Variants in PTPRM observed in about 807,000 individuals in gnomAD.
PTPRM encodes protein tyrosine phosphatase receptor type M.
PTPRM carries 47 observed loss-of-function variants against 186.7 expected under a neutral mutation model. The ratio of observed to expected loss-of-function variants is 0.25; its 90% CI spans 0.20 to 0.32. The LOEUF is 0.32. Among genes scored for constraint, PTPRM ranks in the 10% least tolerant of loss-of-function variants. The pLI is 1.00. For missense variants in PTPRM, 1,494 were observed against 1,865.0 expected (o/e 0.80, Z 3.66); for synonymous variants, 668 against 674.9 (o/e 0.99, Z 0.16).
chr18:8,077,290 G>A (rs964855898), intron 9 of PTPRM, among the ~76,000 whole-genome samples: 26 of 151,882 alleles, frequency 1.7e-4, no homozygotes, highest in African/African-American at 4.6e-4. Context: ...TCTAAAAATC[G>A]TGGCAAATTC....
At chr18:8,207,545 A>G (rs2093947995) in intron 14 of PTPRM, among the ~76,000 whole-genome samples, 1 of 152,222 alleles carries the variant, frequency 6.6e-6, no homozygotes, top group Non-Finnish European at 1.5e-5. Context: ...TTCATGACAT[A>G]GAGAAATGAT....
intron 2 of PTPRM, among the ~76,000 whole-genome samples, chr18:7,808,472 C>T (rs1039032739): frequency 1.3e-5 from 2 of 152,200 alleles, no homozygotes; most frequent in Non-Finnish European, 2.9e-5. Context: ...GGATGAACCT[C>T]ACTGCATGTG....
intron 7 of PTPRM, among the ~76,000 whole-genome samples, chr18:8,062,954 G>A (rs2088687761): frequency 6.8e-6 from 1 of 147,742 alleles, no homozygotes; most frequent in African/African-American, 2.6e-5. Context: ...TACAGAGGCA[G>A]GCAGGCCTCC....
chr18:7,637,025 A>T (rs1482882118), intron 1 of PTPRM, among the ~76,000 whole-genome samples: 1 of 151,918 alleles, frequency 6.6e-6, no homozygotes, highest in Admixed American at 6.6e-5. Flanking sequence ...AAAATTAACC[A>T]GGCAAGGTGG....
chr18:7,734,583 A>G (rs962863543), intron 1 of PTPRM, among the ~76,000 whole-genome samples: 1 of 152,184 alleles, frequency 6.6e-6, no homozygotes, highest in African/African-American at 2.4e-5. Flanking sequence ...GATATTTAAT[A>G]TTTATCAGTT....
At chr18:8,226,715 C>A (rs1171808977) in intron 14 of PTPRM, among the ~76,000 whole-genome samples, 1 of 152,258 alleles carries the variant, frequency 6.6e-6, no homozygotes, top group African/African-American at 2.4e-5. Context: ...TAAATTCCTA[C>A]AAACCTAGTG....
chr18:8,087,361 A>T (rs1206825500), intron 10 of PTPRM, among the ~76,000 whole-genome samples: 1 of 152,126 alleles, frequency 6.6e-6, no homozygotes, highest in Non-Finnish European at 1.5e-5. Context: ...TCACACTGCT[A>T]ATAAAGACAT....
intron 1 of PTPRM, among the ~76,000 whole-genome samples, chr18:7,688,097 A>G (rs617281): frequency 0.18 from 27,850 of 152,008 alleles, 4,314 homozygotes; most frequent in East Asian, 0.43. Context: ...AAAATTAAAA[A>G]CATTCTCTAG....
At chr18:8,044,194 C>T (rs573492947) in intron 7 of PTPRM, among the ~76,000 whole-genome samples, 1 of 152,130 alleles carries the variant, frequency 6.6e-6, no homozygotes, top group Non-Finnish European at 1.5e-5. Context: ...TCATTGGGGC[C>T]TGACAAGAGT....
At chr18:7,849,311 G>A (rs1200704720) in intron 2 of PTPRM, among the ~76,000 whole-genome samples, 2 of 152,202 alleles carry the variant, frequency 1.3e-5, no homozygotes, top group Non-Finnish European at 2.9e-5. Flanking sequence ...GGAGAAGGCT[G>A]GTGTGTGGCT....
chr18:7,966,608 G>A (rs534097652), intron 7 of PTPRM, among the ~76,000 whole-genome samples: 107 of 147,624 alleles, frequency 7.2e-4, no homozygotes, highest in Non-Finnish European at 9.5e-4. Flanking sequence ...CGCACCGTGC[G>A]CGAGCCGAAG....
chr18:7,963,756 G>A (rs543944727), intron 7 of PTPRM, among the ~76,000 whole-genome samples: 3 of 152,270 alleles, frequency 2.0e-5, no homozygotes, highest in South Asian at 2.1e-4. Context: ...TATCTGTGAG[G>A]GGCTTGACCA....
chr18:8,136,270 A>G lies in PTPRM; in HGVS notation c.2168-7377A>G, dbSNP rs567990743. Among the ~76,000 whole-genome samples the G allele has an allele frequency of 3.3e-5, 5 of 152,320 alleles. No individual in the cohort carries two copies. The South Asian group carries it at 8.3e-4, about 25-fold the overall frequency. ...CTTATTATTGACAGTTTGTTTCCCT[A>G]TTTTATTACTTGATAATGATTTGAG... On this transcript the variant is annotated intron_variant, in intron 13 of 32. Transcript: ENST00000580170.
intron 2 of PTPRM, among the ~76,000 whole-genome samples, chr18:7,845,273 A>G (rs1280529359): frequency 1.3e-5 from 2 of 152,188 alleles, no homozygotes; most frequent in Non-Finnish European, 2.9e-5. Context: ...ATATGGCTTT[A>G]ATTGTGTTCA....
At chr18:7,679,062 A>G (rs902294590) in intron 1 of PTPRM, among the ~76,000 whole-genome samples, 14 of 152,130 alleles carry the variant, frequency 9.2e-5, no homozygotes, top group African/African-American at 2.7e-4. Context: ...AGATCTTTTA[A>G]TGTTTTTCTA....
rs1351729365 is a variant in PTPRM at position 7,707,857 on chromosome 18, G to C, written c.74-66292G>C. On this transcript the variant is annotated intron_variant, in intron 1 of 32. Transcript: ENST00000580170. ...GAGTTCAGTTTTTTCTCAATTTTTG[G>C]GAGAGGGTTTAATTTATTAGTGGGT... Among the ~76,000 whole-genome samples, 7 of 152,168 alleles carry C rather than the reference G, an allele frequency of 4.6e-5. No homozygotes were observed. In the South Asian group the frequency reaches 1.5e-3, roughly 32 times the overall value.
intron 7 of PTPRM, among the ~76,000 whole-genome samples, chr18:8,043,960 A>G (rs2086853697): frequency 6.6e-6 from 1 of 152,208 alleles, no homozygotes; most frequent in Non-Finnish European, 1.5e-5. Context: ...ACTCTTTGGC[A>G]GAGACCGGGC....
intron 5 of PTPRM, among the ~76,000 whole-genome samples, chr18:7,944,980 C>T (rs2146995988): frequency 6.6e-6 from 1 of 152,188 alleles, no homozygotes; most frequent in Middle Eastern, 3.4e-3. Context: ...AGAGGTGGGG[C>T]CTTTAAGAGG....
chr18:8,238,474 C>T (rs1398018873), intron 14 of PTPRM, among the ~76,000 whole-genome samples: 1 of 151,966 alleles, frequency 6.6e-6, no homozygotes, highest in Non-Finnish European at 1.5e-5. Flanking sequence ...GAATTTCCAT[C>T]TCTCTGCTTA....
Sources: gnomAD v4.1 joint callset for allele counts (sites outside exome capture counted in the v4.1 genomes callset) on GRCh38, gnomAD v4.1.1 for gene constraint, MANE v1.5 for transcripts, NCBI Gene and HGNC (gene_info 2026-07-23, HGNC 2026-07-21) for gene names.